Variants in ZFYVE9 observed in about 807,000 individuals in gnomAD.
The protein encoded by ZFYVE9 is zinc finger FYVE domain-containing protein 9.
In ZFYVE9, 43 loss-of-function variants were observed where a neutral mutation model predicts 126.7. That is an observed-to-expected ratio of 0.34 (90% CI 0.27 to 0.44). The LOEUF (loss-of-function observed/expected upper bound fraction) is 0.44. Among genes scored for constraint, ZFYVE9 ranks in the 20% least tolerant of loss-of-function variants. The pLI is 1.00. For missense variants in ZFYVE9, 1,476 were observed against 1,697.0 expected (o/e 0.87, Z 2.29); for synonymous variants, 521 against 597.4 (o/e 0.87, Z 1.87).
At position 52,252,383 on chromosome 1, in the gene ZFYVE9, G is replaced by A. The variant is rs191178059; in HGVS notation, c.2179-11390G>A. On this transcript the variant is annotated intron_variant, in intron 4 of 18. Coordinates refer to ENST00000287727, the MANE Select transcript of ZFYVE9 (RefSeq NM_004799.4). ...TGTTTTGTTTTGTTTTGTTAGAGAC[G>A]GAGTCTTGCTCTGTTGCCCAGGCTG... The A allele has an allele frequency of 7.4e-3, 1,149 of 156,006 alleles. 14 individuals are homozygous for A. Among genetic ancestry groups the A allele is most frequent in the African/African-American group, 0.026 (1,084 of 41,472 alleles). The allele number at this position is 156,006 out of a possible 1,614,324, so 9.7% of individuals were successfully genotyped here. A position where few individuals can be genotyped will look rare whatever the true frequency, so the allele number is the denominator to read the frequency against.
intron 11 of ZFYVE9, among the ~76,000 whole-genome samples, chr1:52,295,205 G>C (rs1321803237): frequency 1.3e-5 from 2 of 151,986 alleles, no homozygotes; most frequent in African/African-American, 4.8e-5. Flanking sequence ...AAAAAAAAAA[G>C]AGTGAACTCT....
chr1:52,199,208 G>A (rs1345877075), intron 1 of ZFYVE9, among the ~76,000 whole-genome samples: 2 of 152,038 alleles, frequency 1.3e-5, no homozygotes, highest in Non-Finnish European at 2.9e-5. Flanking sequence ...TGGGACTATA[G>A]GCGCTGCCAC....
intron 1 of ZFYVE9, among the ~76,000 whole-genome samples, chr1:52,177,443 G>GC (rs1184094976): frequency 6.6e-6 from 1 of 152,142 alleles, no homozygotes; most frequent in Non-Finnish European, 1.5e-5. Flanking sequence ...ACTGCACCTG[G>GC]CCCAAGTCTG....
intron 13 of ZFYVE9, among the ~76,000 whole-genome samples, chr1:52,309,486 AAAAC>A (rs1037566529): frequency 1.3e-5 from 2 of 152,190 alleles, no homozygotes; most frequent in Admixed American, 6.5e-5. Flanking sequence ...CTCAAAAACA[AAAAC>A]AAAAGCAAAA....
intron 1 of ZFYVE9, among the ~76,000 whole-genome samples, chr1:52,185,983 A>G (rs888899154): frequency 4.0e-5 from 6 of 150,782 alleles, no homozygotes; most frequent in Non-Finnish European, 8.8e-5. Context: ...GCTGATGCCT[A>G]TAATCCCAGC....
At chr1:52,253,615 T>G in intron 4 of ZFYVE9, 1 of 1,303,964 alleles carries the variant, frequency 7.7e-7, no homozygotes, top group Non-Finnish European at 1.1e-6. Context: ...CCAGAATACT[T>G]AAAAAATGAC....
Position 52,146,027 on chromosome 1 carries a change from CCACACACACACA to C in ZFYVE9, c.-143+3643_-143+3654del, listed in dbSNP as rs1168051378. 1.3e-3 allele frequency among the ~76,000 whole-genome samples: 195 copies of C among 146,292 alleles called. 1 individual carries two copies. Among genetic ancestry groups the C allele is most frequent in the African/African-American group, 4.6e-3 (180 of 39,500 alleles). On this transcript the variant is annotated intron_variant, in intron 1 of 18. Coordinates refer to ENST00000287727, the MANE Select transcript of ZFYVE9 (RefSeq NM_004799.4). ...CCTCCCAGCCAAGGCTCAAAAATAT[CCACACACACACA>C]CACACACACACACACACAAAAGTAA...
rs144331656 is a variant in ZFYVE9 at position 52,329,287 on chromosome 1, A to G, written c.3439-3481A>G. On this transcript the variant is annotated intron_variant, in intron 13 of 18. Coordinates refer to ENST00000287727, the MANE Select transcript of ZFYVE9 (RefSeq NM_004799.4). Reference sequence around the variant, plus strand: ...AAAGAAGAACAAAATTGGTGGATTTATACTTCTCAATTTTAAAACTTACCC... The same window carrying G: ...AAAGAAGAACAAAATTGGTGGATTTGTACTTCTCAATTTTAAAACTTACCC... Among the ~76,000 whole-genome samples the G allele has an allele frequency of 1.3e-3, 202 of 152,330 alleles. No individual in the cohort carries two copies. In the Middle Eastern group the frequency reaches 0.014, roughly 10 times the overall value.
intron 2 of ZFYVE9, among the ~76,000 whole-genome samples, chr1:52,227,438 C>A (rs1645180854): frequency 6.6e-6 from 1 of 152,168 alleles, no homozygotes; most frequent in African/African-American, 2.4e-5. Flanking sequence ...CCATTTTTCC[C>A]TTCTGTAGTA....
At chr1:52,144,980 AAC>A (rs1300713592) in intron 1 of ZFYVE9, among the ~76,000 whole-genome samples, 1 of 152,190 alleles carries the variant, frequency 6.6e-6, no homozygotes, top group African/African-American at 2.4e-5. Context: ...TATTCCAGGA[AAC>A]ACAAAAATGA....
chr1:52,191,823 AG>A (rs1232399913), intron 1 of ZFYVE9, among the ~76,000 whole-genome samples: 1 of 152,206 alleles, frequency 6.6e-6, no homozygotes, highest in African/African-American at 2.4e-5. Context: ...AGCGGCACTT[AG>A]CAAAGGAGAG....
At chr1:52,213,140 A>C (rs1050202861) in intron 1 of ZFYVE9, among the ~76,000 whole-genome samples, 1 of 152,174 alleles carries the variant, frequency 6.6e-6, no homozygotes, top group Admixed American at 6.5e-5. Context: ...TCTTTATCTG[A>C]GAAGCATATT....
chr1:52,286,364 T>C (rs1394147367), intron 10 of ZFYVE9, among the ~76,000 whole-genome samples: 1 of 152,192 alleles, frequency 6.6e-6, no homozygotes, highest in Non-Finnish European at 1.5e-5. Flanking sequence ...AATTTTAAAA[T>C]CTAAACTACA....
At chr1:52,191,297 TCTTA>T (rs1644814831) in intron 1 of ZFYVE9, among the ~76,000 whole-genome samples, 1 of 152,192 alleles carries the variant, frequency 6.6e-6, no homozygotes, top group Admixed American at 6.6e-5. Context: ...GAGATAGTGT[TCTTA>T]CTTTACAAAT....
intron 12 of ZFYVE9, among the ~76,000 whole-genome samples, chr1:52,296,263 C>T (rs1013556917): frequency 2.0e-5 from 3 of 151,916 alleles, no homozygotes; most frequent in South Asian, 2.1e-4. Flanking sequence ...ATACACTTAC[C>T]GTCCAACCTT....
intron 9 of ZFYVE9, among the ~76,000 whole-genome samples, 182 bp downstream of exon 9, chr1:52,278,796 G>A (rs1475999743): frequency 1.3e-5 from 2 of 148,228 alleles, no homozygotes; most frequent in Non-Finnish European, 3.0e-5. Context: ...GCACCATCTC[G>A]GCTCACTGCA....
At chr1:52,266,627 A>G (rs766907081) in intron 5 of ZFYVE9, 28 bp from the exon 6 acceptor site, 1 of 1,539,656 alleles carries the variant, frequency 6.5e-7, no homozygotes. Flanking sequence ...CAATCCATTC[A>G]CATTGATTGT....
chr1:52,174,930 C>T (rs570207072), intron 1 of ZFYVE9, among the ~76,000 whole-genome samples: 2 of 152,278 alleles, frequency 1.3e-5, no homozygotes, highest in East Asian at 3.9e-4. Context: ...CTGAATACAG[C>T]ACACTGATGG....
At chr1:52,201,150 T>G (rs1381916940) in intron 1 of ZFYVE9, among the ~76,000 whole-genome samples, 1 of 152,170 alleles carries the variant, frequency 6.6e-6, no homozygotes, top group Non-Finnish European at 1.5e-5. Context: ...GGTTCTTTTA[T>G]AGTGTTTATC....
Sources: gnomAD v4.1 joint callset for allele counts (sites outside exome capture counted in the v4.1 genomes callset) on GRCh38, gnomAD v4.1.1 for gene constraint, MANE v1.5 for transcripts, NCBI Gene and HGNC (gene_info 2026-07-23, HGNC 2026-07-21) for gene names.